The following DNAH6 variants were observed in gnomAD, a reference collection of about 807,000 sequenced individuals.
DNAH6 encodes the protein dynein axonemal heavy chain 6, also known as axonemal beta dynein heavy chain 6.
DNAH6 carries 340 observed loss-of-function variants against 491.4 expected under a neutral mutation model. The observed-to-expected ratio is 0.69, with a 90% CI of 0.63 to 0.76. The LOEUF (loss-of-function observed/expected upper bound fraction) is 0.76, where lower values mean the gene tolerates loss of function less well. Among genes scored for constraint, DNAH6 ranks in the 30% least tolerant of loss-of-function variants. The pLI, the probability that DNAH6 is intolerant of heterozygous loss-of-function variation, is 0.00. For missense variants in DNAH6, 4,443 were observed against 4,972.2 expected (o/e 0.89, Z 3.20); for synonymous variants, 1,603 against 1,686.1 (o/e 0.95, Z 1.21).
chr2:84,726,855 C>T (rs1257169914), intron 60 of DNAH6, among the ~76,000 whole-genome samples: 1 of 152,168 alleles, frequency 6.6e-6, no homozygotes, highest in Admixed American at 6.5e-5. Context: ...ATGGGTAGGA[C>T]TACCTCAGGC....
intron 16 of DNAH6, among the ~76,000 whole-genome samples, chr2:84,590,128 T>A (rs529001980): frequency 6.6e-6 from 1 of 152,078 alleles, no homozygotes; most frequent in African/African-American, 2.4e-5. Context: ...TGTTCCCAGG[T>A]TGGGTTAACT....
chr2:84,727,717 C>G lies in DNAH6; in HGVS notation c.10021C>G (p.Gln3341Glu). 1 of 1,551,578 alleles carries G rather than the reference C, an allele frequency of 6.4e-7. No individual in the cohort carries two copies. Among genetic ancestry groups the G allele is most frequent in the Non-Finnish European group, 8.7e-7 (1 of 1,146,848 alleles). Reference protein sequence around the residue: ...ETSVKTENLQQRLDVLLEQTL... With the variant: ...ETSVKTENLQERLDVLLEQTL... ...TTCTGTAAAGACAGAAAATCTACAA[C>G]AGCGCCTGGACGTACTACTAGAACA... is the stretch of plus-strand genomic sequence containing the variant. The change falls in exon 61 of 77, where the codon CAG becomes GAG. Residue 3341 changes from glutamine (Q) to glutamate (E), a missense_variant. Around this residue, in one of 3 missense-constraint regions of DNAH6, gnomAD observed 1,463 missense variants for 1,656.6 expected, o/e 0.88. Coordinates refer to ENST00000389394, the MANE Select transcript of DNAH6 (RefSeq NM_001370.2).
intron 33 of DNAH6, among the ~76,000 whole-genome samples, chr2:84,643,560 A>G (rs1689617824): frequency 6.6e-6 from 1 of 151,902 alleles, no homozygotes; most frequent in Non-Finnish European, 1.5e-5. Context: ...TTGCTTTTAC[A>G]GTCTTTATTC....
chr2:84,644,309 T>C (rs1286925839), intron 33 of DNAH6, among the ~76,000 whole-genome samples: 1 of 152,236 alleles, frequency 6.6e-6, no homozygotes, highest in African/African-American at 2.4e-5. Context: ...TTAACTCTCC[T>C]GGCTTCTCCT....
chr2:84,668,679 C>G (rs1319536829), intron 37 of DNAH6, among the ~76,000 whole-genome samples: 3 of 152,048 alleles, frequency 2.0e-5, no homozygotes, highest in Admixed American at 6.6e-5. Flanking sequence ...CCACCCCATG[C>G]CATCCCTTTT....
the DNAH6 span, among the ~76,000 whole-genome samples, chr2:84,485,597 G>A: frequency 6.6e-6 from 1 of 152,076 alleles, no homozygotes; most frequent in Non-Finnish European, 1.5e-5. Context: ...ACATGAGGCT[G>A]TACTACGTGC....
chr2:84,689,466 C>T (rs1458707879), intron 45 of DNAH6, among the ~76,000 whole-genome samples: 1 of 152,174 alleles, frequency 6.6e-6, no homozygotes, highest in Non-Finnish European at 1.5e-5. Flanking sequence ...GCATCTCCGC[C>T]TCCATATAGT....
chr2:84,722,546 C>A, intron 59 of DNAH6, 79 bp from the exon 60 acceptor site: 3 of 1,236,060 alleles, frequency 2.4e-6, no homozygotes, highest in Non-Finnish European at 2.2e-6. Context: ...CTTCCCTAGA[C>A]CTAACTGGAT....
chr2:84,716,102 T>C (rs1276505474), intron 58 of DNAH6, among the ~76,000 whole-genome samples: 1 of 150,056 alleles, frequency 6.7e-6, no homozygotes, highest in Non-Finnish European at 1.5e-5. Context: ...TATATGTATA[T>C]ATGTGTGTAT....
In DNAH6 at chr2:84,703,523, G is replaced by C; in HGVS notation, c.8190G>C (p.Leu2730=). The change falls in exon 50 of 77, where the codon CTG becomes CTC. Residue 2730 remains leucine (L), a synonymous_variant. Transcript: ENST00000389394. ...CAAAATCAGAAGATGTTGAAGCCCT[G>C]ATGGAAAAATTGGCAGTGGATCAAG... The part of the protein sequence containing the change: ...LLAKSEDVEA[L]MEKLAVDQES... 1 of 1,551,286 alleles carries C rather than the reference G, an allele frequency of 6.4e-7. No homozygotes were observed. Among genetic ancestry groups the C allele is most frequent in the Non-Finnish European group, 8.7e-7 (1 of 1,146,744 alleles).
chr2:84,468,993 G>T, the DNAH6 span, among the ~76,000 whole-genome samples: 2 of 152,128 alleles, frequency 1.3e-5, no homozygotes, highest in African/African-American at 2.4e-5. Flanking sequence ...TTGTTGGGTT[G>T]TCTTGAAAAG....
intron 70 of DNAH6, among the ~76,000 whole-genome samples, 164 bp from the exon 71 acceptor site, chr2:84,805,492 TTTGTTAAGA>T (rs1172019176): frequency 6.6e-6 from 1 of 152,210 alleles, no homozygotes; most frequent in East Asian, 1.9e-4. Flanking sequence ...ACTGTCTTAA[TTTGTTAAGA>T]GGGTAGATCT....
intron 10 of DNAH6, among the ~76,000 whole-genome samples, chr2:84,553,283 TAA>T (rs1186343027): frequency 6.6e-6 from 1 of 152,196 alleles, no homozygotes; most frequent in Non-Finnish European, 1.5e-5. Context: ...ATACAAAATT[TAA>T]AAGTGTCTAT....
chr2:84,516,933 T>C (rs968902643), intron 1 of DNAH6, among the ~76,000 whole-genome samples: 9 of 152,238 alleles, frequency 5.9e-5, no homozygotes, highest in Non-Finnish European at 8.8e-5. Context: ...GATATCACTA[T>C]AATTTTTATA....
In DNAH6 at chr2:84,751,634, T is replaced by C. The variant is rs1673483222; in HGVS notation, c.10512+6385T>C. Among the ~76,000 whole-genome samples the C allele has an allele frequency of 3.3e-5, 5 of 152,234 alleles. No individual in the cohort carries two copies. In the South Asian group the frequency reaches 1.0e-3, roughly 31 times the overall value. On this transcript the variant is annotated intron_variant, in intron 63 of 76. Transcript: ENST00000389394. ...TCTCAGGAAAAGGTTATTAGGAATT[T>C]GAACTAGAAAGAGAAAAAAACTACC...
chr2:84,707,087 G>C, intron 53 of DNAH6, 68 bp downstream of exon 53: 1 of 1,460,012 alleles, frequency 6.8e-7, no homozygotes, highest in Non-Finnish European at 9.0e-7. Flanking sequence ...AGAAGTTTTT[G>C]GCAATCAGGT....
intron 70 of DNAH6, among the ~76,000 whole-genome samples, chr2:84,799,831 G>A (rs182572699): frequency 7.4e-4 from 113 of 152,312 alleles, no homozygotes; most frequent in South Asian, 1.7e-3. Context: ...AAGAGGGAGC[G>A]TCTCTCATTT....
At chr2:84,679,947 A>G (rs1292143972) in intron 41 of DNAH6, among the ~76,000 whole-genome samples, 1 of 152,204 alleles carries the variant, frequency 6.6e-6, no homozygotes, top group Non-Finnish European at 1.5e-5. Flanking sequence ...GGAGCTTTTT[A>G]CATACATATA....
intron 76 of DNAH6, among the ~76,000 whole-genome samples, chr2:84,816,318 A>G (rs1335312496): frequency 6.6e-6 from 1 of 152,234 alleles, no homozygotes; most frequent in Non-Finnish European, 1.5e-5. Context: ...AGGAGTAGAA[A>G]ATAGAGTTTA....
Sources: gnomAD v4.1 joint callset for allele counts (sites outside exome capture counted in the v4.1 genomes callset) on GRCh38, gnomAD v4.1.1 for gene constraint, gnomAD v4.1.1 regional missense constraint, MANE v1.5 for transcripts, NCBI Gene and HGNC (gene_info 2026-07-23, HGNC 2026-07-21) for gene names.